SLC16A12: variants seen among roughly 807,000 people sequenced by gnomAD.
SLC16A12 encodes solute carrier family 16 member 12.
In SLC16A12, 17 loss-of-function variants were observed where a neutral mutation model predicts 42.4. The observed-to-expected ratio is 0.40, with a 90% CI of 0.27 to 0.60. The LOEUF is 0.60. Ranked by LOEUF, SLC16A12 falls within the 20% of genes least tolerant of loss-of-function variation. SLC16A12 has a pLI of 0.42. For missense variants in SLC16A12, 544 were observed against 623.0 expected (o/e 0.87, Z 1.35); for synonymous variants, 224 against 229.4 (o/e 0.98, Z 0.21).
intron 2 of SLC16A12, among the ~76,000 whole-genome samples, chr10:89,491,631 G>A (rs1842848822): frequency 6.6e-6 from 1 of 152,080 alleles, no homozygotes; most frequent in Admixed American, 6.6e-5. Context: ...GCCCTGCCTG[G>A]GGGAGGAGGT....
intron 2 of SLC16A12, among the ~76,000 whole-genome samples, chr10:89,465,258 A>G (rs1842373871): frequency 6.6e-6 from 1 of 152,200 alleles, no homozygotes; most frequent in South Asian, 2.1e-4. Context: ...TTCCTAACCA[A>G]TGCCCTGCAC....
intron 3 of SLC16A12, among the ~76,000 whole-genome samples, chr10:89,451,232 C>T (rs1842092303): frequency 6.6e-6 from 1 of 152,140 alleles, no homozygotes; most frequent in Admixed American, 6.5e-5. Flanking sequence ...CCTCTCCTCC[C>T]CAGTTGCTGC....
At chr10:89,546,121 A>G (rs1370435404) in intron 2 of SLC16A12, among the ~76,000 whole-genome samples, 2 of 152,224 alleles carry the variant, frequency 1.3e-5, no homozygotes, top group African/African-American at 4.8e-5. Context: ...CATTCAGGAC[A>G]CAGGCATGGG....
At chr10:89,513,360 T>C (rs552056069) in intron 2 of SLC16A12, among the ~76,000 whole-genome samples, 3 of 152,222 alleles carry the variant, frequency 2.0e-5, no homozygotes, top group Non-Finnish European at 4.4e-5. Flanking sequence ...TTACGTTGTC[T>C]CTGATTTCTC....
chr10:89,441,225 G>A lies in SLC16A12; in HGVS notation c.331C>T (p.His111Tyr), dbSNP rs2133693076. Residue 111 changes from histidine (H) to tyrosine (Y), a missense_variant, in exon 5 of 8, where the codon CAT becomes TAT. Coordinates refer to ENST00000371790, the MANE Select transcript of SLC16A12 (RefSeq NM_213606.4). ...ATGATTCCCACTTGACAGGATAAATGGTTACTGACAACACTCCCAAGTGGA... is the reference window on the plus strand; with the variant it reads ...ATGATTCCCACTTGACAGGATAAATAGTTACTGACAACACTCCCAAGTGGA... ...CAPLGSVVSN[H>Y]LSCQVGIMLG... 6.2e-7 allele frequency: 1 copy of A among 1,614,032 alleles called. No homozygotes were observed. The highest frequency in any genetic ancestry group is 8.5e-7 in the Non-Finnish European group (1 of 1,179,956).
In SLC16A12 at chr10:89,434,036, C is replaced by A. The variant is rs1476859582; in HGVS notation, c.1289-710G>T. The stretch of plus-strand genomic sequence containing the variant: ...TAATTAACAAAGGTTTTTTTAAATT[C>A]CTTCAAACTTTCCTTATCTGCCAAG... On this transcript the variant is annotated intron_variant, in intron 7 of 7. Transcript: ENST00000371790. 2.0e-5 allele frequency among the ~76,000 whole-genome samples: 3 copies of A among 152,106 alleles called. No homozygotes were observed. In the East Asian group the frequency reaches 5.8e-4, roughly 29 times the overall value.
At chr10:89,483,682 G>A (rs565111395) in intron 2 of SLC16A12, among the ~76,000 whole-genome samples, 28 of 147,098 alleles carry the variant, frequency 1.9e-4, no homozygotes, top group African/African-American at 5.1e-4. Context: ...CATTATAATC[G>A]TGCCTGTGAA....
chr10:89,551,912 T>C (rs1167216874), intron 2 of SLC16A12, among the ~76,000 whole-genome samples: 2 of 152,158 alleles, frequency 1.3e-5, no homozygotes, highest in African/African-American at 4.8e-5. Context: ...TGTTTTGCCC[T>C]TTTGAAGAGA....
At chr10:89,483,758 A>C (rs538620745) in intron 2 of SLC16A12, among the ~76,000 whole-genome samples, 83 of 151,258 alleles carry the variant, frequency 5.5e-4, no homozygotes, top group African/African-American at 1.8e-3. Context: ...AAAAAACAAA[A>C]AAAAAAAAAC....
intron 2 of SLC16A12, among the ~76,000 whole-genome samples, chr10:89,520,384 C>T (rs889109439): frequency 6.6e-6 from 1 of 152,172 alleles, no homozygotes; most frequent in Admixed American, 6.5e-5. Flanking sequence ...TAACTTCAAA[C>T]CTTACTGACA....
chr10:89,485,682 A>G (rs1017251165), intron 2 of SLC16A12, among the ~76,000 whole-genome samples: 1 of 152,210 alleles, frequency 6.6e-6, no homozygotes, highest in African/African-American at 2.4e-5. Flanking sequence ...AGAAACGCCC[A>G]TGGAAAGGGG....
chr10:89,457,318 G>T (rs1393819844), intron 3 of SLC16A12, among the ~76,000 whole-genome samples: 1 of 152,120 alleles, frequency 6.6e-6, no homozygotes, highest in Non-Finnish European at 1.5e-5. Context: ...AGTGGGCAAA[G>T]GACATGAACA....
At chr10:89,515,050 C>T (rs1843224529) in intron 2 of SLC16A12, among the ~76,000 whole-genome samples, 1 of 151,850 alleles carries the variant, frequency 6.6e-6, no homozygotes, top group Non-Finnish European at 1.5e-5. Context: ...CGAGATTTCA[C>T]CACTGCACTT....
intron 2 of SLC16A12, among the ~76,000 whole-genome samples, chr10:89,466,125 C>T (rs933698078): frequency 6.6e-6 from 1 of 152,234 alleles, no homozygotes; most frequent in Non-Finnish European, 1.5e-5. Context: ...CCTCAGTTTA[C>T]TGATCCATAA....
chr10:89,552,043 C>T (rs368200208), intron 2 of SLC16A12, among the ~76,000 whole-genome samples: 1 of 152,186 alleles, frequency 6.6e-6, no homozygotes, highest in Non-Finnish European at 1.5e-5. Flanking sequence ...TCAAGTGATT[C>T]TCCTGCCTCA....
At chr10:89,519,630 C>G (rs1031059955) in intron 2 of SLC16A12, among the ~76,000 whole-genome samples, 1 of 151,728 alleles carries the variant, frequency 6.6e-6, no homozygotes, top group African/African-American at 2.4e-5. Flanking sequence ...AGCTTCCCCC[C>G]GAGACTTTAT....
chr10:89,489,449 C>G (rs979498995), intron 2 of SLC16A12, among the ~76,000 whole-genome samples: 6 of 152,096 alleles, frequency 3.9e-5, no homozygotes, highest in African/African-American at 1.4e-4. Flanking sequence ...AAGGATTCTT[C>G]CACCTCAACC....
chr10:89,536,611 G>C (rs1385487085), upstream of SLC16A12, among the ~76,000 whole-genome samples: 1 of 152,018 alleles, frequency 6.6e-6, no homozygotes, highest in Non-Finnish European at 1.5e-5. Context: ...CTCCTTGTCA[G>C]AAGCAAGGCC....
chr10:89,535,654 GC>G (rs1019325481), upstream of SLC16A12: 3 of 148,344 alleles, frequency 2.0e-5, no homozygotes, highest in African/African-American at 7.4e-5. Context: ...TGCCACACCC[GC>G]CCCCAGCCCG....
Sources: gnomAD v4.1 joint callset for allele counts (sites outside exome capture counted in the v4.1 genomes callset) on GRCh38, gnomAD v4.1.1 for gene constraint, MANE v1.5 for transcripts, NCBI Gene and HGNC (gene_info 2026-07-23, HGNC 2026-07-21) for gene names.